Variants in RFX4 observed in about 807,000 individuals in gnomAD.
RFX4 encodes regulatory factor X4.
Under a neutral mutation model 95.0 loss-of-function variants are expected in RFX4, and 10 were observed. That is an observed-to-expected ratio of 0.11 (90% confidence interval 0.06 to 0.18). The LOEUF (loss-of-function observed/expected upper bound fraction) is 0.18. Among genes scored for constraint, RFX4 ranks in the 10% least tolerant of loss-of-function variants. The pLI is 1.00. For missense variants in RFX4, 640 were observed against 922.0 expected (o/e 0.69, Z 3.96); for synonymous variants, 321 against 340.7 (o/e 0.94, Z 0.64).
chr12:106,638,461 C>A (rs1225981512), intron 2 of RFX4, among the ~76,000 whole-genome samples: 1 of 151,846 alleles, frequency 6.6e-6, no homozygotes, highest in Non-Finnish European at 1.5e-5. Context: ...CTAAACCCTG[C>A]TCCATTGCAT....
rs116768400 is a variant in RFX4 at position 106,646,059 on chromosome 12, G to A, written c.191+6667G>A. The A allele has an allele frequency of 1.9e-3, 1,467 of 754,600 alleles. 24 individuals are homozygous for A. The African/African-American group carries it at 0.025, about 13-fold the overall frequency. 46.7% of individuals were successfully genotyped at this position (754,600 alleles called of 1,614,324 possible). ...TGTGCTGTGGGTAAATGTGTCAAAT[G>A]GTAAAGCCATTTGACGGGCAATTTT... On this transcript the variant is annotated intron_variant, in intron 3 of 17. Coordinates refer to ENST00000392842, the MANE Select transcript of RFX4 (RefSeq NM_213594.3).
chr12:106,691,868 C>A (rs575090167), intron 7 of RFX4, among the ~76,000 whole-genome samples: 3 of 152,150 alleles, frequency 2.0e-5, no homozygotes, highest in South Asian at 4.1e-4. Context: ...TTAAAGAATG[C>A]AAATCTGAGG....
intron 13 of RFX4, among the ~76,000 whole-genome samples, chr12:106,724,367 C>T (rs572773182): frequency 4.6e-5 from 7 of 152,312 alleles, no homozygotes; most frequent in South Asian, 2.1e-4. Context: ...CCTGCCTGAC[C>T]GCAAAGCCCA....
chr12:106,638,151 G>T (rs1379050910), intron 2 of RFX4, among the ~76,000 whole-genome samples: 1 of 151,844 alleles, frequency 6.6e-6, no homozygotes, highest in Non-Finnish European at 1.5e-5. Flanking sequence ...GAGATTACAG[G>T]TGCATGCCAC....
intron 3 of RFX4, among the ~76,000 whole-genome samples, chr12:106,652,908 C>G (rs2040882473): frequency 6.6e-6 from 1 of 152,130 alleles, no homozygotes; most frequent in Admixed American, 6.6e-5. Context: ...TATTTCATCA[C>G]TTTGGAATTA....
rs1316648071 is a variant in RFX4 at position 106,587,564 on chromosome 12, C to CTA, written c.43+4204_43+4205dup. On this transcript the variant is annotated intron_variant, in intron 1 of 17. Coordinates refer to ENST00000392842, the MANE Select transcript of RFX4 (RefSeq NM_213594.3). ...GAGGTCTCTAATTTCTCTCCAGCAG[C>CTA]TATACCTTTTCTCAGCCCGCCTTGG... 3.3e-5 allele frequency among the ~76,000 whole-genome samples: 5 copies of CTA among 152,212 alleles called. No homozygotes were observed. The East Asian group carries it at 9.7e-4, about 29-fold the overall frequency.
At chr12:106,747,749 G>A in intron 16 of RFX4, 150 bp downstream of exon 16, 2 of 755,356 alleles carry the variant, frequency 2.6e-6, no homozygotes, top group Non-Finnish European at 4.2e-6. Flanking sequence ...CCAACGTGGT[G>A]AAACCCTGTC....
chr12:106,623,928 C>T (rs1487593304), intron 2 of RFX4, among the ~76,000 whole-genome samples: 1 of 152,224 alleles, frequency 6.6e-6, no homozygotes, highest in East Asian at 1.9e-4. Flanking sequence ...CAGCATCCTC[C>T]AGGACCCAGG....
At chr12:106,601,337 C>T (rs777800366) in intron 1 of RFX4, 35 of 1,584,004 alleles carry the variant, frequency 2.2e-5, no homozygotes, top group Admixed American at 5.2e-5. Flanking sequence ...TCGACGGCGC[C>T]GTTCCACTGG....
intron 8 of RFX4, among the ~76,000 whole-genome samples, chr12:106,701,047 T>C (rs1375891165): frequency 1.3e-5 from 2 of 152,234 alleles, no homozygotes; most frequent in African/African-American, 2.4e-5. Flanking sequence ...CAAAATTTTC[T>C]TTAATGTTTC....
At chr12:106,688,576 A>C (rs540439728) in intron 6 of RFX4, among the ~76,000 whole-genome samples, 1 of 152,306 alleles carries the variant, frequency 6.6e-6, no homozygotes, top group Non-Finnish European at 1.5e-5. Flanking sequence ...CTATGTTCTA[A>C]AATGAGGAAA....
At chr12:106,611,710 A>G (rs1453797483) in intron 2 of RFX4, among the ~76,000 whole-genome samples, 1 of 151,710 alleles carries the variant, frequency 6.6e-6, no homozygotes, top group East Asian at 1.9e-4. Flanking sequence ...ACAGGGTTTC[A>G]CCATGTTGGT....
intron 7 of RFX4, among the ~76,000 whole-genome samples, chr12:106,694,378 T>C (rs1010929571): frequency 6.6e-5 from 10 of 152,158 alleles, no homozygotes; most frequent in African/African-American, 2.4e-4. Context: ...GGGGCATGGC[T>C]CTACTAGCCA....
At chr12:106,761,067 G>A in intron 17 of RFX4, 130 bp from the exon 18 acceptor site, 2 of 1,009,846 alleles carry the variant, frequency 2.0e-6, no homozygotes, top group Non-Finnish European at 2.9e-6. Context: ...GAAGTTCAGT[G>A]ATTCTTCTCC....
chr12:106,600,280 C>T (rs1565945042), intron 1 of RFX4, among the ~76,000 whole-genome samples: 2 of 152,180 alleles, frequency 1.3e-5, no homozygotes, highest in African/African-American at 2.4e-5. Context: ...GCCAGGAACA[C>T]GCTTCCTCCC....
At chr12:106,590,220 A>G (rs752125935) in intron 1 of RFX4, among the ~76,000 whole-genome samples, 4 of 152,220 alleles carry the variant, frequency 2.6e-5, no homozygotes, top group Non-Finnish European at 5.9e-5. Flanking sequence ...CTGAGCCTCA[A>G]TTTTCTTATG....
chr12:106,605,677 G>A (rs2039815593), intron 1 of RFX4, among the ~76,000 whole-genome samples: 2 of 152,214 alleles, frequency 1.3e-5, no homozygotes, highest in Admixed American at 1.3e-4. Context: ...GGATGGCAAA[G>A]AAATGGGAAC....
At chr12:106,726,928 C>T (rs1329479193) in intron 13 of RFX4, among the ~76,000 whole-genome samples, 4 of 152,022 alleles carry the variant, frequency 2.6e-5, no homozygotes, top group African/African-American at 7.3e-5. Flanking sequence ...TGTACCACCA[C>T]GCCCAGCTAA....
In RFX4 at chr12:106,583,372, T is replaced by G; in HGVS notation, c.43+9T>G. On this transcript the variant is annotated intron_variant, in intron 1 of 17. Transcript: ENST00000392842. ...CGACATGGATTCCACAGGTTAGTCC[T>G]ACTGGCGGGGTTGGGGGGATACATT... 1 of 1,569,932 alleles carries G rather than the reference T, an allele frequency of 6.4e-7. No homozygotes were observed. The highest frequency in any genetic ancestry group is 8.6e-7 in the Non-Finnish European group (1 of 1,163,346).
Sources: gnomAD v4.1 joint callset for allele counts (sites outside exome capture counted in the v4.1 genomes callset) on GRCh38, gnomAD v4.1.1 for gene constraint, MANE v1.5 for transcripts, NCBI Gene and HGNC (gene_info 2026-07-23, HGNC 2026-07-21) for gene names.